Variants in ANKFN1 observed in about 807,000 individuals in gnomAD.
The protein encoded by ANKFN1 is ankyrin repeat and fibronectin type III domain containing 1.
ANKFN1 carries 74 observed loss-of-function variants against 108.7 expected under a neutral mutation model. The observed-to-expected ratio is 0.68, with a 90% CI of 0.56 to 0.83. ANKFN1 has a LOEUF of 0.83. Ranked by LOEUF, ANKFN1 falls within the 40% of genes least tolerant of loss-of-function variation. The pLI is 0.00. For synonymous variants in ANKFN1, 547 were observed against 516.2 expected, an observed-to-expected ratio of 1.06 and a Z score of -0.81; for missense variants, 1,505 against 1,382.3, an observed-to-expected ratio of 1.09 and a Z score of -1.41.
chr17:56,199,810 A>G (rs547809111), intron 1 of ANKFN1, among the ~76,000 whole-genome samples: 82 of 152,306 alleles, frequency 5.4e-4, no homozygotes, highest in African/African-American at 1.9e-3. Flanking sequence ...ATTTATACTA[A>G]AAACCTATTT....
chr17:56,067,162 C>T (rs1428644987), intron 4 of ANKFN1, among the ~76,000 whole-genome samples: 1 of 152,070 alleles, frequency 6.6e-6, no homozygotes, highest in Non-Finnish European at 1.5e-5. Context: ...GCACTCCAGC[C>T]TGGGCAACAG....
intron 8 of ANKFN1, among the ~76,000 whole-genome samples, chr17:56,399,701 T>C (rs1013211953): frequency 5.9e-5 from 9 of 151,858 alleles, no homozygotes; most frequent in African/African-American, 1.7e-4. Context: ...ATAGCTTTGC[T>C]CCCACTTATC....
chr17:56,133,528 CTGTGTGTGTGTGTGTGTGTGTG>C (rs10598270), intron 4 of ANKFN1, among the ~76,000 whole-genome samples: 21 of 146,438 alleles, frequency 1.4e-4, no homozygotes, highest in Admixed American at 1.1e-3. Flanking sequence ...ATGTGTATAC[CTGTGTGTGTGTGTGTGTGTGTG>C]TGTGTGTGTG....
At chr17:56,084,344 C>CT (rs60271796) in intron 4 of ANKFN1, among the ~76,000 whole-genome samples, 89,032 of 150,562 alleles carry the variant, frequency 0.59, 29,378 homozygotes, top group Non-Finnish European at 0.73. Context: ...TCCTTCTTCC[C>CT]TTTTTTCTTT....
intron 2 of ANKFN1, among the ~76,000 whole-genome samples, chr17:56,220,930 C>T (rs955058423): frequency 7.1e-5 from 10 of 140,452 alleles, no homozygotes; most frequent in African/African-American, 1.3e-4. Context: ...GAGGAACGAA[C>T]GAACGAAAGA....
chr17:56,250,943 C>T (rs1034929481), intron 3 of ANKFN1, among the ~76,000 whole-genome samples: 4 of 152,000 alleles, frequency 2.6e-5, no homozygotes, highest in Non-Finnish European at 5.9e-5. Flanking sequence ...GATATAATCT[C>T]GTTAACAGCA....
At chr17:56,505,688 T>C (rs1468490391) in intron 20 of ANKFN1, among the ~76,000 whole-genome samples, 1 of 152,200 alleles carries the variant, frequency 6.6e-6, no homozygotes, top group Non-Finnish European at 1.5e-5. Context: ...ATAAATACAA[T>C]GCTCTAAGAG....
At chr17:56,266,949 T>C (rs1176444560) in intron 3 of ANKFN1, among the ~76,000 whole-genome samples, 2 of 152,222 alleles carry the variant, frequency 1.3e-5, no homozygotes, top group East Asian at 3.9e-4. Context: ...CTGCCTTGGC[T>C]ACCAAGAAGT....
At chr17:56,495,770 G>C (rs1040724196) in intron 19 of ANKFN1, among the ~76,000 whole-genome samples, 1 of 152,152 alleles carries the variant, frequency 6.6e-6, no homozygotes, top group African/African-American at 2.4e-5. Flanking sequence ...AGCTGTAATA[G>C]AAACACAGCT....
intron 10 of ANKFN1, among the ~76,000 whole-genome samples, chr17:56,443,840 A>G (rs760646640): frequency 3.3e-5 from 5 of 152,224 alleles, no homozygotes; most frequent in Non-Finnish European, 7.3e-5. Context: ...AGTACTCTGA[A>G]TTGTATTTTC....
chr17:56,174,402 G>A, intron 1 of ANKFN1: 2 of 985,578 alleles, frequency 2.0e-6, no homozygotes, highest in Non-Finnish European at 1.2e-6. Context: ...AGAGGCTGAG[G>A]TTGGCTTCCA....
intron 3 of ANKFN1, among the ~76,000 whole-genome samples, chr17:56,248,616 G>T (rs552792859): frequency 5.3e-5 from 8 of 152,308 alleles, no homozygotes; most frequent in African/African-American, 1.4e-4. Flanking sequence ...CATGCAGTGT[G>T]AGTAGAGGAT....
intron 3 of ANKFN1, among the ~76,000 whole-genome samples, chr17:56,306,354 T>A (rs2044824976): frequency 6.6e-6 from 1 of 152,232 alleles, no homozygotes; most frequent in African/African-American, 2.4e-5. Context: ...GTTTTCAGCA[T>A]ACAAGTCCTG....
chr17:56,266,491 G>T (rs1360977863), intron 3 of ANKFN1, among the ~76,000 whole-genome samples: 2 of 152,110 alleles, frequency 1.3e-5, no homozygotes, highest in African/African-American at 2.4e-5. Flanking sequence ...CACATTGGTG[G>T]TTTCCACTGG....
chr17:56,092,767 G>A (rs1041785744), intron 4 of ANKFN1, among the ~76,000 whole-genome samples: 12 of 150,920 alleles, frequency 8.0e-5, no homozygotes, highest in African/African-American at 2.9e-4. Flanking sequence ...CTGCTTCCAA[G>A]CTCATTTTGT....
At chr17:56,094,535 T>A in intron 4 of ANKFN1, among the ~76,000 whole-genome samples, 1 of 123,460 alleles carries the variant, frequency 8.1e-6, no homozygotes, top group African/African-American at 2.9e-5. Flanking sequence ...GCTGCCAGGC[T>A]GCCAGGCTGC....
At chr17:56,187,424 AG>A (rs757142943) in intron 1 of ANKFN1, among the ~76,000 whole-genome samples, 4 of 152,244 alleles carry the variant, frequency 2.6e-5, no homozygotes, top group Non-Finnish European at 4.4e-5. Flanking sequence ...ATCATTAAAA[AG>A]TCAGGAAACA....
intron 8 of ANKFN1, among the ~76,000 whole-genome samples, chr17:56,402,938 T>C (rs1412723397): frequency 1.3e-5 from 2 of 152,162 alleles, no homozygotes; most frequent in Non-Finnish European, 2.9e-5. Flanking sequence ...TGTTTTAATT[T>C]CCATCTTGCT....
At chr17:56,399,071 A>G (rs2047673310) in intron 8 of ANKFN1, among the ~76,000 whole-genome samples, 1 of 152,184 alleles carries the variant, frequency 6.6e-6, no homozygotes. Flanking sequence ...AGGAAAATAC[A>G]TAAATTTCAA....
Sources: gnomAD v4.1 joint callset for allele counts (sites outside exome capture counted in the v4.1 genomes callset) on GRCh38, gnomAD v4.1.1 for gene constraint, MANE v1.5 for transcripts, NCBI Gene and HGNC (gene_info 2026-07-23, HGNC 2026-07-21) for gene names.